The following PAX6 variants were observed in gnomAD, a reference collection of about 807,000 sequenced individuals.
PAX6 encodes the protein paired box protein Pax-6.
Under a neutral mutation model 60.7 loss-of-function variants are expected in PAX6, and 7 were observed. The observed-to-expected ratio is 0.12, with a 90% CI of 0.07 to 0.22. PAX6 has a LOEUF of 0.22. PAX6 is among the 10% of genes least tolerant of loss of function. The pLI is 1.00. For missense variants in PAX6, 355 were observed against 555.2 expected (o/e 0.64, Z 3.62); for synonymous variants, 208 against 201.2 (o/e 1.03, Z -0.29).
intron 12 of PAX6, chr11:31,792,939 C>A (rs1406904371): frequency 8.4e-6 from 3 of 355,314 alleles, no homozygotes; most frequent in Admixed American, 4.4e-5. Flanking sequence ...TATATCTCAC[C>A]ATGTAAATAT....
chr11:31,814,116 C>G (rs1957260367), upstream of PAX6: 1 of 152,120 alleles, frequency 6.6e-6, no homozygotes, highest in Non-Finnish European at 1.5e-5. Context: ...CGCCTCCCCA[C>G]AGGCCCCTGT....
intron 13 of PAX6, 35 bp downstream of exon 13, chr11:31,790,675 C>G (rs780059732): frequency 6.2e-7 from 1 of 1,613,298 alleles, no homozygotes; most frequent in African/African-American, 1.3e-5. Context: ...GAAGAGAGAT[C>G]GCCTCTGTGC....
chr11:31,794,622 T>C lies in PAX6; in HGVS notation c.724+8A>G, dbSNP rs939534860. 2 of 1,614,064 alleles carry C rather than the reference T, an allele frequency of 1.2e-6. No homozygotes were observed. The highest frequency in any genetic ancestry group is 1.7e-6 in the Non-Finnish European group (2 of 1,180,018). ...TTACTGCTTCTCTACTTTGAAAAACTCTATCACCTTTCTCCAGGGCCTCAA... is the reference window on the plus strand; with the variant it reads ...TTACTGCTTCTCTACTTTGAAAAACCCTATCACCTTTCTCCAGGGCCTCAA... On this transcript the variant is annotated splice_region_variant and intron_variant, in intron 9 of 13. Transcript: ENST00000640368.
intron 8 of PAX6, 35 bp from the exon 9 acceptor site, chr11:31,794,823 T>C: frequency 6.2e-7 from 1 of 1,609,152 alleles, no homozygotes; most frequent in South Asian, 1.1e-5. Flanking sequence ...AAGAGAAATT[T>C]GGATTAACTT....
At chr11:31,807,647 T>TA (rs1447802610) in intron 2 of PAX6, 7 of 152,140 alleles carry the variant, frequency 4.6e-5, no homozygotes, top group Non-Finnish European at 8.8e-5. Flanking sequence ...CTCACTGCTT[T>TA]AAAAAGTACG....
At chr11:31,793,629 G>C (rs573750920) in intron 11 of PAX6, 23 bp downstream of exon 11, 1 of 1,613,860 alleles carries the variant, frequency 6.2e-7, no homozygotes, top group African/African-American at 1.3e-5. Flanking sequence ...ACATTGATTC[G>C]TAGTATTAGT....
chr11:31,814,898 C>G (rs1324759367), upstream of PAX6: 1 of 155,180 alleles, frequency 6.4e-6, no homozygotes, highest in East Asian at 1.9e-4. Flanking sequence ...GCGGTGCCCT[C>G]GCCCTTCCTC....
At chr11:31,810,698 C>T (rs1956888755) in intron 2 of PAX6, 130 bp downstream of exon 2, 14 of 397,392 alleles carry the variant, frequency 3.5e-5, no homozygotes, top group Admixed American at 8.8e-5. Context: ...GAAACTTCTC[C>T]GGCCCAACTC....
At chr11:31,800,911 A>G (rs1953606610) in intron 7 of PAX6, 55 bp from the exon 8 acceptor site, 2 of 1,571,834 alleles carry the variant, frequency 1.3e-6, no homozygotes, top group Admixed American at 3.3e-5. Context: ...AGACACAGTC[A>G]CCCATCTCAG....
chr11:31,794,523 C>CT, intron 9 of PAX6, 107 bp downstream of exon 9: 1 of 1,122,012 alleles, frequency 8.9e-7, no homozygotes. Context: ...AAAAGGAAAT[C>CT]TTTTCATTCT....
In PAX6 at chr11:31,794,757, C is replaced by A; in HGVS notation, c.597G>T (p.Glu199Asp). ...CGTTGGAACTGATGGAGTTGGTATT[C>A]TCTCCCCCTCCTTCCTGTTGCTGGC... ...DGCQQQEGGG[E>D]NTNSISSNGE... The change falls in exon 9 of 14, where the codon GAG becomes GAT. Residue 199 changes from glutamate (E) to aspartate (D), a missense_variant. Around this residue, in one of 5 missense-constraint regions of PAX6, gnomAD observed 143 missense variants for 183.6 expected, o/e 0.78. Transcript: ENST00000640368. 1 of 1,614,102 alleles carries A rather than the reference C, an allele frequency of 6.2e-7. No homozygotes were observed. Among genetic ancestry groups the A allele is most frequent in the Non-Finnish European group, 8.5e-7 (1 of 1,180,002 alleles).
At chr11:31,790,144 C>T in intron 13 of PAX6, 125 bp from the exon 14 acceptor site, 1 of 692,802 alleles carries the variant, frequency 1.4e-6, no homozygotes, top group Non-Finnish European at 2.4e-6. Context: ...ACATTTTTTA[C>T]TGTATTAAAA....
intron 3 of PAX6, 59 bp from the exon 4 acceptor site, chr11:31,806,521 C>T: frequency 1.5e-6 from 2 of 1,366,824 alleles, no homozygotes; most frequent in Non-Finnish European, 2.0e-6. Flanking sequence ...GGCCTGAACT[C>T]CCAACCGAGG....
chr11:31,811,490 C>G, upstream of PAX6: 1 of 322,508 alleles, frequency 3.1e-6, no homozygotes, highest in Non-Finnish European at 5.6e-6. Flanking sequence ...GCTCCTCTCC[C>G]CGGCGCAGGG....
intron 12 of PAX6, chr11:31,791,105 C>A (rs1592376155): frequency 6.7e-6 from 4 of 594,134 alleles, no homozygotes; most frequent in Admixed American, 2.4e-5. Context: ...TGACAACTGT[C>A]CAGCTAGATG....
At chr11:31,809,857 C>T (rs1257368704) in intron 2 of PAX6, 1 of 152,268 alleles carries the variant, frequency 6.6e-6, no homozygotes, top group Non-Finnish European at 1.5e-5. Flanking sequence ...TGCTGAAATC[C>T]CAACACCTGG....
intron 12 of PAX6, chr11:31,792,939 C>T (rs1406904371): frequency 2.8e-6 from 1 of 355,432 alleles, no homozygotes; most frequent in Non-Finnish European, 5.2e-6. Flanking sequence ...TATATCTCAC[C>T]ATGTAAATAT....
chr11:31,801,352 G>A (rs753881533), intron 7 of PAX6: 58 of 1,464,602 alleles, frequency 4.0e-5, no homozygotes, highest in Non-Finnish European at 4.3e-5. Context: ...CAAATGAAGT[G>A]AATGACTCCC....
At chr11:31,810,726 G>A (rs1419493327) in intron 2 of PAX6, 102 bp downstream of exon 2, 3 of 397,860 alleles carry the variant, frequency 7.5e-6, no homozygotes, top group East Asian at 3.6e-5. Context: ...GTAGCAGTGG[G>A]GGAGGGGACC....
Sources: gnomAD v4.1 joint callset for allele counts on GRCh38, gnomAD v4.1.1 for gene constraint, gnomAD v4.1.1 regional missense constraint, MANE v1.5 for transcripts, NCBI Gene and HGNC (gene_info 2026-07-23, HGNC 2026-07-21) for gene names.